The following KCNIP4 variants were observed in gnomAD, a reference collection of about 807,000 sequenced individuals.
KCNIP4 encodes potassium voltage-gated channel interacting protein 4.
KCNIP4 carries 12 observed loss-of-function variants against 34.0 expected under a neutral mutation model. The ratio of observed to expected loss-of-function variants is 0.35; its 90% confidence interval spans 0.23 to 0.57. The LOEUF is 0.57. Ranked by LOEUF, KCNIP4 falls within the 20% of genes least tolerant of loss-of-function variation. The probability of loss-of-function intolerance (pLI) is 0.83; values close to 1 mark genes in which losing one functional copy is unlikely to be tolerated. For missense variants in KCNIP4, 238 were observed against 311.7 expected (o/e 0.76, Z 1.78); for synonymous variants, 124 against 102.2 (o/e 1.21, Z -1.29).
intron 1 of KCNIP4, among the ~76,000 whole-genome samples, chr4:21,245,546 G>A (rs1760134748): frequency 6.6e-6 from 1 of 152,112 alleles, no homozygotes; most frequent in Non-Finnish European, 1.5e-5. Flanking sequence ...ATAAATACTT[G>A]TTGAATAAAC....
intron 1 of KCNIP4, among the ~76,000 whole-genome samples, chr4:21,887,837 T>C (rs1400042684): frequency 6.6e-6 from 1 of 152,176 alleles, no homozygotes; most frequent in Non-Finnish European, 1.5e-5. Context: ...TGAAACCAGT[T>C]GATTTTGCAG....
chr4:21,389,144 C>T lies in KCNIP4; in HGVS notation c.62-506435G>A, dbSNP rs903533249. On this transcript the variant is annotated intron_variant, in intron 1 of 8. Transcript: ENST00000382152. ...GGGACTATAGGTGTGTGCCACCATA[C>T]CTAACTAATTTTTTTTATAGAGATA... 5.3e-5 allele frequency among the ~76,000 whole-genome samples: 8 copies of T among 151,966 alleles called. No homozygotes were observed. In the East Asian group the frequency reaches 9.7e-4, roughly 18 times the overall value.
intron 1 of KCNIP4, among the ~76,000 whole-genome samples, chr4:21,669,125 C>A (rs566185677): frequency 6.6e-6 from 1 of 151,662 alleles, no homozygotes; most frequent in African/African-American, 2.4e-5. Context: ...CCCTGCCTCC[C>A]TCCCTCCCTC....
At chr4:20,837,579 C>T (rs938476166) in intron 3 of KCNIP4, among the ~76,000 whole-genome samples, 5 of 149,810 alleles carry the variant, frequency 3.3e-5, no homozygotes, top group African/African-American at 4.9e-5. Flanking sequence ...GCCTCTTTAA[C>T]GAATATGTAC....
chr4:21,786,638 T>C (rs1049598702), intron 1 of KCNIP4, among the ~76,000 whole-genome samples: 2 of 150,374 alleles, frequency 1.3e-5, no homozygotes, highest in Non-Finnish European at 3.0e-5. Flanking sequence ...CCTGATCTCC[T>C]CTCATTGCAA....
chr4:21,765,754 CCTGCCTGGCTG>C (rs1468769908), intron 1 of KCNIP4, among the ~76,000 whole-genome samples: 1 of 150,588 alleles, frequency 6.6e-6, no homozygotes, highest in Admixed American at 6.6e-5. Flanking sequence ...ATGCAAGCCA[CCTGCCTGGCTG>C]AGGGTTCCTT....
chr4:21,707,580 A>C (rs911519713), intron 1 of KCNIP4, among the ~76,000 whole-genome samples: 1 of 151,856 alleles, frequency 6.6e-6, no homozygotes, highest in Non-Finnish European at 1.5e-5. Flanking sequence ...CCCACCAAAA[A>C]CTCTGTCTGA....
chr4:21,455,077 G>A (rs1414721755), intron 1 of KCNIP4, among the ~76,000 whole-genome samples: 1 of 151,990 alleles, frequency 6.6e-6, no homozygotes, highest in Non-Finnish European at 1.5e-5. Context: ...GGCTTTCTAT[G>A]GATCTCTTAA....
chr4:20,762,353 G>T (rs1398692740), intron 3 of KCNIP4, among the ~76,000 whole-genome samples: 1 of 152,108 alleles, frequency 6.6e-6, no homozygotes, highest in Non-Finnish European at 1.5e-5. Flanking sequence ...CAACATATGA[G>T]TTCTAAAGGG....
intron 2 of KCNIP4, among the ~76,000 whole-genome samples, chr4:20,876,561 G>C (rs887993752): frequency 6.6e-6 from 1 of 151,736 alleles, no homozygotes; most frequent in Non-Finnish European, 1.5e-5. Flanking sequence ...CCACGGAATT[G>C]GGAAGAAATC....
intron 3 of KCNIP4, among the ~76,000 whole-genome samples, chr4:20,781,759 A>T (rs373588369): frequency 1.2e-4 from 19 of 152,266 alleles, no homozygotes; most frequent in African/African-American, 4.3e-4. Flanking sequence ...GAGCCAAACC[A>T]TATCATTCAA....
In KCNIP4 at chr4:21,052,137, T is replaced by C. The variant is rs112915446; in HGVS notation, c.62-169428A>G. 2.0e-5 allele frequency among the ~76,000 whole-genome samples: 3 copies of C among 152,318 alleles called. 1 individual carries two copies. Among genetic ancestry groups the C allele is most frequent in the African/African-American group, 7.2e-5 (3 of 41,568 alleles). On this transcript the variant is annotated intron_variant, in intron 1 of 8. Coordinates refer to ENST00000382152, the MANE Select transcript of KCNIP4 (RefSeq NM_025221.6). ...CCTATCCTAGTATACCAAATTATCA[T>C]CATATTCCCTCCCATCCATGATTCT...
intron 1 of KCNIP4, among the ~76,000 whole-genome samples, chr4:21,766,460 T>C (rs1323361754): frequency 6.6e-6 from 1 of 152,102 alleles, no homozygotes; most frequent in Non-Finnish European, 1.5e-5. Flanking sequence ...CAATCTCTGT[T>C]CCCCTTGCCT....
At chr4:21,938,586 T>TA (rs1172698611) in intron 1 of KCNIP4, among the ~76,000 whole-genome samples, 2 of 152,168 alleles carry the variant, frequency 1.3e-5, no homozygotes, top group African/African-American at 2.4e-5. Context: ...TACACGATTC[T>TA]AAAAAACTAC....
At chr4:20,806,431 A>G (rs1715099246) in intron 3 of KCNIP4, among the ~76,000 whole-genome samples, 2 of 151,934 alleles carry the variant, frequency 1.3e-5, no homozygotes, top group South Asian at 2.1e-4. Context: ...ATCACAAAAT[A>G]TTTGACCATA....
chr4:21,383,077 TAAAG>T (rs1721670607), intron 1 of KCNIP4, among the ~76,000 whole-genome samples: 1 of 152,060 alleles, frequency 6.6e-6, no homozygotes, highest in African/African-American at 2.4e-5. Flanking sequence ...TCTGGACACA[TAAAG>T]AAACACCTGG....
At chr4:21,125,482 T>A (rs1383982630) in intron 1 of KCNIP4, among the ~76,000 whole-genome samples, 1 of 152,068 alleles carries the variant, frequency 6.6e-6, no homozygotes. Flanking sequence ...TCCAAAGTGT[T>A]GGGATTCCAG....
At chr4:20,837,604 T>C (rs948694023) in intron 3 of KCNIP4, among the ~76,000 whole-genome samples, 1 of 148,148 alleles carries the variant, frequency 6.8e-6, no homozygotes, top group African/African-American at 2.5e-5. Flanking sequence ...CTTGAAAAAT[T>C]ATTTATTGAG....
chr4:20,755,888 G>T (rs572659718), intron 4 of KCNIP4, among the ~76,000 whole-genome samples: 138 of 152,194 alleles, frequency 9.1e-4, no homozygotes, highest in African/African-American at 3.1e-3. Context: ...GCTGGGTGGG[G>T]TAAGTTGGGT....
Sources: gnomAD v4.1 joint callset for allele counts (sites outside exome capture counted in the v4.1 genomes callset) on GRCh38, gnomAD v4.1.1 for gene constraint, MANE v1.5 for transcripts, NCBI Gene and HGNC (gene_info 2026-07-23, HGNC 2026-07-21) for gene names.